FBXL2: variants seen among roughly 807,000 people sequenced by gnomAD.
The protein encoded by FBXL2 is F-box and leucine rich repeat protein 2, also known as F-box/LRR-repeat protein 2.
Under a neutral mutation model 69.2 loss-of-function variants are expected in FBXL2, and 38 were observed. The ratio of observed to expected loss-of-function variants is 0.55; its 90% CI spans 0.42 to 0.72. The LOEUF (loss-of-function observed/expected upper bound fraction) is 0.72. FBXL2 is among the 30% of genes least tolerant of loss of function. The pLI is 0.00. For missense variants in FBXL2, 354 were observed against 520.3 expected, an observed-to-expected ratio of 0.68 and a Z score of 3.11; for synonymous variants, 192 against 201.3, an observed-to-expected ratio of 0.95 and a Z score of 0.39.
At chr3:33,325,104 T>C (rs1468900281) in intron 2 of FBXL2, among the ~76,000 whole-genome samples, 1 of 152,192 alleles carries the variant, frequency 6.6e-6, no homozygotes, top group Non-Finnish European at 1.5e-5. Context: ...GCTCTCTGTT[T>C]GTCTGTTATT....
At chr3:33,403,506 ATCTATCTG>A (rs767059611) in exon 13 of FBXL2, 1,114 of 28,244 alleles carry the variant, frequency 0.039, 3 homozygotes, top group Middle Eastern at 0.18. Flanking sequence ...CTATCTATCT[ATCTATCTG>A]TCTGTCTGTC....
chr3:33,336,079 G>A (rs2039555418), intron 2 of FBXL2, among the ~76,000 whole-genome samples: 1 of 152,224 alleles, frequency 6.6e-6, no homozygotes, highest in South Asian at 2.1e-4. Context: ...TTTTTGTTTG[G>A]AAGTTGGTAA....
At chr3:33,305,194 T>C (rs1374489124) in intron 2 of FBXL2, among the ~76,000 whole-genome samples, 1 of 151,964 alleles carries the variant, frequency 6.6e-6, no homozygotes, top group African/African-American at 2.4e-5. Context: ...ACTTCCTCCT[T>C]ACCCTGAAGA....
chr3:33,372,924 C>G, intron 5 of FBXL2, 168 bp from the exon 6 acceptor site: 2 of 658,608 alleles, frequency 3.0e-6, no homozygotes, highest in Non-Finnish European at 5.5e-6. Context: ...TGTCGAGCCC[C>G]ATTCTAGATC....
intron 2 of FBXL2, among the ~76,000 whole-genome samples, chr3:33,308,263 G>T (rs1228191640): frequency 6.6e-6 from 1 of 152,150 alleles, no homozygotes; most frequent in Non-Finnish European, 1.5e-5. Context: ...CCTGGAATTA[G>T]CCATTTCTTT....
At chr3:33,396,703 A>C in intron 12 of FBXL2, 1 of 497,216 alleles carries the variant, frequency 2.0e-6, no homozygotes, top group Non-Finnish European at 3.9e-6. Flanking sequence ...ACTGTTTAGT[A>C]ATAGTCATGA....
chr3:33,343,807 C>G (rs1047957281), intron 2 of FBXL2, among the ~76,000 whole-genome samples: 1 of 151,920 alleles, frequency 6.6e-6, no homozygotes, highest in Admixed American at 6.6e-5. Flanking sequence ...ATATTTAAAC[C>G]TGTGGTATGT....
intron 2 of FBXL2, among the ~76,000 whole-genome samples, chr3:33,318,737 G>A (rs202064666): frequency 0.4 from 59,573 of 150,630 alleles, 12,867 homozygotes; most frequent in East Asian, 0.6. Context: ...CATAACTGAT[G>A]TTTTTTAAAC....
chr3:33,393,184 C>A, intron 12 of FBXL2: 1 of 1,032,754 alleles, frequency 9.7e-7, no homozygotes, highest in Non-Finnish European at 1.3e-6. Context: ...CAAAGTGATT[C>A]CCAACTCTCT....
chr3:33,347,996 T>C (rs2040567092), intron 2 of FBXL2, among the ~76,000 whole-genome samples: 1 of 152,200 alleles, frequency 6.6e-6, no homozygotes, highest in South Asian at 2.1e-4. Flanking sequence ...GTTGATTGTA[T>C]CCTTTGCTGT....
At chr3:33,302,865 T>C (rs920451913) in intron 2 of FBXL2, among the ~76,000 whole-genome samples, 2 of 152,162 alleles carry the variant, frequency 1.3e-5, no homozygotes, top group African/African-American at 4.8e-5. Context: ...CTTGGGAAAA[T>C]TATAAAATGA....
At chr3:33,371,710 G>C (rs1048720593) in intron 5 of FBXL2, among the ~76,000 whole-genome samples, 3 of 152,012 alleles carry the variant, frequency 2.0e-5, no homozygotes, top group African/African-American at 7.2e-5. Flanking sequence ...TTCAATGCCA[G>C]ACATTTTGAA....
At chr3:33,409,435 G>A in the FBXL2 span, 18 of 1,614,044 alleles carry the variant, frequency 1.1e-5, no homozygotes, top group South Asian at 2.0e-4. Flanking sequence ...GAAAACCCGG[G>A]TTCTCTGTCT....
intron 11 of FBXL2, 130 bp from the exon 12 acceptor site, chr3:33,377,973 A>T: frequency 1.2e-6 from 1 of 857,564 alleles, no homozygotes; most frequent in Non-Finnish European, 2.0e-6. Flanking sequence ...GGGTAGCTTT[A>T]GGAAGAGGGC....
chr3:33,373,758 A>T, intron 8 of FBXL2, 54 bp downstream of exon 8: 1 of 1,613,946 alleles, frequency 6.2e-7, no homozygotes, highest in Non-Finnish European at 8.5e-7. Context: ...TGGGCACATC[A>T]TCCAGAAAGC....
chr3:33,418,659 G>C, the FBXL2 span, among the ~76,000 whole-genome samples: 1 of 151,758 alleles, frequency 6.6e-6, no homozygotes, highest in South Asian at 2.1e-4. Flanking sequence ...GGGAGTTCGA[G>C]ACCAGCCTGA....
chr3:33,392,942 G>A (rs891661703), downstream of FBXL2: 5 of 322,154 alleles, frequency 1.6e-5, no homozygotes, highest in East Asian at 2.6e-4. Flanking sequence ...AATCACTAGG[G>A]GAAAAATTAT....
chr3:33,356,829 T>G lies in FBXL2; in HGVS notation c.66-2138T>G, dbSNP rs760555625. ...TATTGTTAGGTTACTTTATAGCTAC[T>G]TGTGTCAGTCACTCTAGAGCCCACA... On this transcript the variant is annotated intron_variant, in intron 2 of 14. Transcript: ENST00000484457. Among the ~76,000 whole-genome samples, 8 of 152,346 alleles carry G rather than the reference T, an allele frequency of 5.3e-5. No individual in the cohort carries two copies. In the South Asian group the frequency reaches 1.7e-3, roughly 32 times the overall value.
At position 33,346,574 on chromosome 3, in the gene FBXL2, A is replaced by G. The variant is rs143488848; in HGVS notation, c.66-12393A>G. ...ACCCCGTCTCTAAAAATAAATAAAT[A>G]AGTAAATAAATAAGCTTTAAAAAAT... is the stretch of plus-strand genomic sequence containing the variant. On this transcript the variant is annotated intron_variant, in intron 2 of 14. Coordinates refer to ENST00000484457, the MANE Select transcript of FBXL2 (RefSeq NM_012157.5). Among the ~76,000 whole-genome samples the G allele has an allele frequency of 9.3e-4, 141 of 152,268 alleles. 1 individual carries two copies. The highest frequency in any genetic ancestry group is 3.2e-3 in the African/African-American group (134 of 41,564).
Sources: gnomAD v4.1 joint callset for allele counts (sites outside exome capture counted in the v4.1 genomes callset) on GRCh38, gnomAD v4.1.1 for gene constraint, MANE v1.5 for transcripts, NCBI Gene and HGNC (gene_info 2026-07-23, HGNC 2026-07-21) for gene names.